The following MSRB2 variants were observed in gnomAD, a reference collection of about 807,000 sequenced individuals.
MSRB2 encodes methionine sulfoxide reductase B2, also known as methionine-R-sulfoxide reductase B2, mitochondrial.
Under a neutral mutation model 19.0 loss-of-function variants are expected in MSRB2, and 17 were observed. The observed-to-expected ratio is 0.89, with a 90% CI of 0.61 to 1.34. MSRB2 has a LOEUF of 1.34. Among genes scored for constraint, MSRB2 ranks in the 40% most tolerant of loss-of-function variants. The pLI, the probability that MSRB2 is intolerant of heterozygous loss-of-function variation, is 0.00. For missense variants in MSRB2, 208 were observed against 237.6 expected (o/e 0.88, Z 0.82); for synonymous variants, 107 against 99.7 (o/e 1.07, Z -0.44).
At chr10:23,108,621 G>A (rs568435815) in intron 2 of MSRB2, among the ~76,000 whole-genome samples, 103 of 151,836 alleles carry the variant, frequency 6.8e-4, no homozygotes, top group Non-Finnish European at 1.2e-3. Flanking sequence ...GATTACAGGC[G>A]TGCTCCACCA....
At chr10:23,112,710 G>C (rs1840069614) in intron 3 of MSRB2, among the ~76,000 whole-genome samples, 1 of 152,172 alleles carries the variant, frequency 6.6e-6, no homozygotes, top group South Asian at 2.1e-4. Flanking sequence ...TGCCTCCTGA[G>C]TAGCTGGGAT....
intron 1 of MSRB2, among the ~76,000 whole-genome samples, chr10:23,102,688 G>A (rs569310272): frequency 2.0e-5 from 3 of 152,272 alleles, no homozygotes; most frequent in South Asian, 4.1e-4. Context: ...CTTTGGGGTT[G>A]TATTTTGAGA....
intron 2 of MSRB2, among the ~76,000 whole-genome samples, chr10:23,104,587 C>A (rs143483610): frequency 4.3e-4 from 65 of 152,280 alleles, no homozygotes; most frequent in African/African-American, 1.4e-3. Flanking sequence ...CCAAAGAGTT[C>A]TTTGGAAAAC....
At chr10:23,111,874 T>G (rs1196126896) in intron 3 of MSRB2, among the ~76,000 whole-genome samples, 1 of 144,220 alleles carries the variant, frequency 6.9e-6, no homozygotes, top group East Asian at 1.9e-4. Flanking sequence ...TTAAATTTAA[T>G]TTTAATTAAT....
intron 1 of MSRB2, among the ~76,000 whole-genome samples, chr10:23,095,980 T>A (rs1465487884): frequency 1.3e-5 from 2 of 149,986 alleles, no homozygotes; most frequent in African/African-American, 4.9e-5. Context: ...GTGCGCATAA[T>A]TTTTTTTTTC....
At chr10:23,116,581 A>C (rs1840112403) in intron 3 of MSRB2, among the ~76,000 whole-genome samples, 1 of 152,250 alleles carries the variant, frequency 6.6e-6, no homozygotes, top group Non-Finnish European at 1.5e-5. Flanking sequence ...CCACAAGTGC[A>C]CAGCCTCTGT....
At chr10:23,118,337 GTTTTTT>G (rs35011086) in intron 3 of MSRB2, among the ~76,000 whole-genome samples, 5 of 92,156 alleles carry the variant, frequency 5.4e-5, no homozygotes, top group East Asian at 3.5e-4. Context: ...TTAGTTTTTT[GTTTTTT>G]TTTTTTTTTT....
chr10:23,104,063 C>A, intron 1 of MSRB2, 81 bp from the exon 2 acceptor site: 1 of 1,101,632 alleles, frequency 9.1e-7, no homozygotes. Flanking sequence ...GGTGACAGTA[C>A]ACTTAGGGAA....
At chr10:23,098,509 A>G (rs1046672157) in intron 1 of MSRB2, among the ~76,000 whole-genome samples, 30 of 152,372 alleles carry the variant, frequency 2.0e-4, no homozygotes, top group African/African-American at 7.2e-4. Flanking sequence ...AATAGCAGCA[A>G]CCGATAAATG....
chr10:23,115,773 G>A (rs1038943566), intron 3 of MSRB2, among the ~76,000 whole-genome samples: 7 of 152,142 alleles, frequency 4.6e-5, no homozygotes, highest in Non-Finnish European at 7.4e-5. Context: ...AAAATCTCCC[G>A]ATTCTGCTAA....
At chr10:23,110,368 T>A (rs1443238777) in intron 3 of MSRB2, 50 bp downstream of exon 3, 1 of 1,435,016 alleles carries the variant, frequency 7.0e-7, no homozygotes, top group East Asian at 2.3e-5. Context: ...CTCCAGGTTC[T>A]TACTGCTTTG....
chr10:23,108,190 T>TG (rs1167158883), intron 2 of MSRB2, among the ~76,000 whole-genome samples: 2 of 152,040 alleles, frequency 1.3e-5, no homozygotes, highest in Non-Finnish European at 2.9e-5. Flanking sequence ...ATTCCTGACC[T>TG]CAGGTGATCC....
At chr10:23,113,603 T>G (rs1179742385) in intron 3 of MSRB2, among the ~76,000 whole-genome samples, 3 of 152,230 alleles carry the variant, frequency 2.0e-5, no homozygotes, top group Non-Finnish European at 4.4e-5. Context: ...TGTTGAAGTC[T>G]TAATCCCTGT....
chr10:23,121,515 AC>A lies in MSRB2; in HGVS notation c.*656del, dbSNP rs1351126801. The A allele has an allele frequency of 3.3e-5, 5 of 152,232 alleles. 1 individual carries two copies. Among genetic ancestry groups the A allele is most frequent in the African/African-American group, 1.2e-4 (5 of 41,444 alleles). 9.4% of individuals were successfully genotyped at this position (152,232 alleles called of 1,614,324 possible). A position where few individuals can be genotyped will look rare whatever the true frequency, so the allele number is the denominator to read the frequency against. On this transcript the variant is annotated 3_prime_UTR_variant, in exon 5 of 5. Transcript: ENST00000376510. Reference sequence around the variant, plus strand: ...AGAGGGAAAACATCCAAACCATATCACCCAACTCCCACTTGGAGTAGAACTT... The same window carrying A: ...AGAGGGAAAACATCCAAACCATATCACCAACTCCCACTTGGAGTAGAACTT...
chr10:23,095,867 C>G lies in MSRB2; in HGVS notation c.118+141C>G, dbSNP rs919108097. On this transcript the variant is annotated intron_variant, in intron 1 of 4. Coordinates refer to ENST00000376510, the MANE Select transcript of MSRB2 (RefSeq NM_012228.4). ...CTCCTCGGCGCGCCCCTCCCCCCCC[C>G]CAGCCCGAGGATCTGGGACAGTGGA... 16 of 459,518 alleles carry G rather than the reference C, an allele frequency of 3.5e-5. No homozygotes were observed. The South Asian group carries it at 1.1e-3, about 31-fold the overall frequency. 28.5% of individuals were successfully genotyped at this position (459,518 alleles called of 1,614,324 possible).
intron 3 of MSRB2, among the ~76,000 whole-genome samples, chr10:23,115,047 T>A (rs750387034): frequency 5.9e-5 from 9 of 152,158 alleles, no homozygotes. Context: ...CCACCAGACT[T>A]AGCGTCATTC....
intron 2 of MSRB2, among the ~76,000 whole-genome samples, chr10:23,105,204 C>CTGTGTGTGTG (rs369455463): frequency 4.6e-5 from 6 of 130,276 alleles, no homozygotes; most frequent in African/African-American, 1.9e-4. Flanking sequence ...CTCTCTCTCT[C>CTGTGTGTGTG]TGTGTGTCTG....
intron 2 of MSRB2, among the ~76,000 whole-genome samples, chr10:23,108,662 G>C (rs1163480374): frequency 6.6e-6 from 1 of 151,752 alleles, no homozygotes; most frequent in Non-Finnish European, 1.5e-5. Flanking sequence ...TTTTAGTAGA[G>C]ATGGGGTTTC....
At chr10:23,101,903 G>C (rs985878330) in intron 1 of MSRB2, among the ~76,000 whole-genome samples, 4 of 152,152 alleles carry the variant, frequency 2.6e-5, no homozygotes, top group Admixed American at 2.6e-4. Context: ...CCCTCATCCG[G>C]ATCCCCCTGG....
Sources: gnomAD v4.1 joint callset for allele counts (sites outside exome capture counted in the v4.1 genomes callset) on GRCh38, gnomAD v4.1.1 for gene constraint, MANE v1.5 for transcripts, NCBI Gene and HGNC (gene_info 2026-07-23, HGNC 2026-07-21) for gene names.